NEK6: variants seen among roughly 807,000 people sequenced by gnomAD.
NEK6 encodes serine/threonine-protein kinase Nek6.
A neutral mutation model predicts 43.5 loss-of-function variants in NEK6; 27 were observed. The observed-to-expected ratio is 0.62, with a 90% confidence interval of 0.46 to 0.86. The LOEUF is 0.86. NEK6 is among the 40% of genes least tolerant of loss of function. NEK6 has a pLI of 0.00. For missense variants in NEK6, 318 were observed against 414.4 expected (o/e 0.77, Z 2.02); for synonymous variants, 167 against 164.1 (o/e 1.02, Z -0.14).
At position 124,351,150 on chromosome 9, in the gene NEK6, G is replaced by A. The variant is rs138529813; in HGVS notation, c.*203G>A. The stretch of plus-strand genomic sequence containing the variant: ...GCTGGCCACATGTCACTGATGGTCA[G>A]ATTCCAAAGTCCTTTCTTTATACTG... On this transcript the variant is annotated 3_prime_UTR_variant, in exon 10 of 10. Transcript: ENST00000320246. 361 of 538,346 alleles carry A rather than the reference G, an allele frequency of 6.7e-4. 6 individuals carry two copies. Among genetic ancestry groups the A allele is most frequent in the African/African-American group, 3.1e-3 (162 of 52,524 alleles). The allele number at this position is 538,346 out of a possible 1,614,324, so 33.3% of individuals were successfully genotyped here. A position where few individuals can be genotyped will look rare whatever the true frequency, so the allele number is the denominator to read the frequency against.
chr9:124,315,887 A>T (rs1833791786), intron 4 of NEK6, among the ~76,000 whole-genome samples: 1 of 152,238 alleles, frequency 6.6e-6, no homozygotes, highest in Admixed American at 6.5e-5. Flanking sequence ...TGGGCCTCTC[A>T]GGACCTCAGT....
Position 124,258,000 on chromosome 9 carries a change from G to T in NEK6, c.-115G>T. Reference sequence around the variant, plus strand: ...CTGACGGGCGTGCGGCCGCTGCGCCGCAAACTCGTGTGGGACGCACCGCTC... The same window carrying T: ...CTGACGGGCGTGCGGCCGCTGCGCCTCAAACTCGTGTGGGACGCACCGCTC... On this transcript the variant is annotated 5_prime_UTR_variant, in exon 1 of 10. Transcript: ENST00000320246. The T allele has an allele frequency of 1.0e-6, 1 of 978,914 alleles. No individual in the cohort carries two copies. The highest frequency in any genetic ancestry group is 1.8e-5 in the African/African-American group (1 of 56,550). The allele number at this position is 978,914 out of a possible 1,614,324, so 60.6% of individuals were successfully genotyped here.
At chr9:124,291,947 C>G in intron 1 of NEK6, 1 of 986,078 alleles carries the variant, frequency 1.0e-6, no homozygotes, top group South Asian at 4.7e-5. Context: ...AAGTCCCATG[C>G]GGAGACAGAG....
At chr9:124,265,921 G>T (rs901920560) in intron 1 of NEK6, 4 of 152,236 alleles carry the variant, frequency 2.6e-5, no homozygotes, top group Non-Finnish European at 5.9e-5. Flanking sequence ...CCCACCCATT[G>T]GCCTCTCACC....
At chr9:124,292,991 G>A (rs749881429) in intron 1 of NEK6, 29 of 1,574,132 alleles carry the variant, frequency 1.8e-5, no homozygotes, top group Admixed American at 3.7e-5. Context: ...GGCAGGAGGA[G>A]CAGAGCCTGC....
rs1834368609 is a variant in NEK6 at position 124,326,895 on chromosome 9, T to G, written c.515-443T>G. On this transcript the variant is annotated intron_variant, in intron 6 of 9. Coordinates refer to ENST00000320246, the MANE Select transcript of NEK6 (RefSeq NM_014397.6). The surrounding 1 kb of genome is among the most constrained non-coding windows in gnomAD (Gnocchi z 4.5). ...GTAGGCTGCTTCATGGACACCTCCGTTCCTTCACTCTACCTGTATCTCTTG... is the reference window on the plus strand; with the variant it reads ...GTAGGCTGCTTCATGGACACCTCCGGTCCTTCACTCTACCTGTATCTCTTG... Among the ~76,000 whole-genome samples the G allele has an allele frequency of 6.6e-6, 1 of 152,118 alleles. No individual in the cohort carries two copies. Among genetic ancestry groups the G allele is most frequent in the South Asian group, 2.1e-4 (1 of 4,828 alleles).
chr9:124,316,057 G>A (rs1480744738), intron 4 of NEK6, among the ~76,000 whole-genome samples: 1 of 152,230 alleles, frequency 6.6e-6, no homozygotes, highest in African/African-American at 2.4e-5. Flanking sequence ...AATGCCAGCC[G>A]CCTTCCCGAA....
chr9:124,336,192 C>T lies in NEK6; in HGVS notation c.623-3379C>T, dbSNP rs537071595. Reference sequence around the variant, plus strand: ...GGCAGAGGTTGCAGTGAGCCAAGATCGCGCCACTGCACTTCAGCCTGGGCA... The same window carrying T: ...GGCAGAGGTTGCAGTGAGCCAAGATTGCGCCACTGCACTTCAGCCTGGGCA... On this transcript the variant is annotated intron_variant, in intron 7 of 9. Coordinates refer to ENST00000320246, the MANE Select transcript of NEK6 (RefSeq NM_014397.6). Among the ~76,000 whole-genome samples, 284 of 152,132 alleles carry T rather than the reference C, an allele frequency of 1.9e-3. 1 individual carries two copies. The highest frequency in any genetic ancestry group is 6.0e-3 in the African/African-American group (249 of 41,510).
In NEK6 at chr9:124,303,029, A is replaced by G. The variant is rs551844249; in HGVS notation, c.90+975A>G. On this transcript the variant is annotated intron_variant, in intron 2 of 9. Transcript: ENST00000320246. ...GCACACAGCCTCATGGGAGAGAAAG[A>G]TAAGGAGCTGAGCAGAAGAACCTTG... is the stretch of plus-strand genomic sequence containing the variant. 7.8e-4 allele frequency among the ~76,000 whole-genome samples: 119 copies of G among 152,320 alleles called. 1 individual carries two copies. The highest frequency in any genetic ancestry group is 2.8e-3 in the African/African-American group (117 of 41,576).
chr9:124,288,619 G>A (rs753838903), intron 1 of NEK6, among the ~76,000 whole-genome samples: 1 of 152,016 alleles, frequency 6.6e-6, no homozygotes, highest in African/African-American at 2.4e-5. Flanking sequence ...CTGCATACCC[G>A]GGCCCTGATA....
chr9:124,276,769 G>T (rs999243206), intron 1 of NEK6, among the ~76,000 whole-genome samples: 27 of 152,360 alleles, frequency 1.8e-4, no homozygotes, highest in African/African-American at 6.3e-4. Context: ...GATCAGTAGG[G>T]GTTGGCCAGG....
chr9:124,312,221 G>C (rs1274608513), intron 2 of NEK6, among the ~76,000 whole-genome samples: 1 of 152,236 alleles, frequency 6.6e-6, no homozygotes, highest in African/African-American at 2.4e-5. Flanking sequence ...ATGGGACTCA[G>C]AGACAGCAAA....
intron 1 of NEK6, among the ~76,000 whole-genome samples, chr9:124,298,569 C>G (rs1396455976): frequency 6.6e-6 from 1 of 152,110 alleles, no homozygotes; most frequent in Non-Finnish European, 1.5e-5. Flanking sequence ...TGTGCATCAG[C>G]AGCACAGGCC....
chr9:124,330,747 T>G (rs931019488), intron 7 of NEK6, among the ~76,000 whole-genome samples: 2 of 152,100 alleles, frequency 1.3e-5, no homozygotes, highest in African/African-American at 4.8e-5. Flanking sequence ...ACAGACACAG[T>G]CCATGCCAGG....
chr9:124,338,653 G>A (rs1008840330), intron 7 of NEK6, among the ~76,000 whole-genome samples: 14 of 152,210 alleles, frequency 9.2e-5, no homozygotes, highest in Non-Finnish European at 1.3e-4. Context: ...GCTAATTGGC[G>A]GGTGGCCATG....
chr9:124,287,206 C>T lies in NEK6; in HGVS notation c.-29-14730C>T, dbSNP rs115635802. 3.7e-3 allele frequency among the ~76,000 whole-genome samples: 565 copies of T among 152,272 alleles called. 2 individuals are homozygous for T. The highest frequency in any genetic ancestry group is 0.012 in the African/African-American group (508 of 41,556). ...GCCAGGAGGTCATGGAGACAAGACT[C>T]GAACCCAGGATTGGGGCCCCCAGGT... On this transcript the variant is annotated intron_variant, in intron 1 of 9. Transcript: ENST00000320246.
At chr9:124,274,531 G>A (rs1831577856) in intron 1 of NEK6, among the ~76,000 whole-genome samples, 1 of 152,222 alleles carries the variant, frequency 6.6e-6, no homozygotes, top group African/African-American at 2.4e-5. Flanking sequence ...TTTTCGTGGA[G>A]GACCAGCAGT....
chr9:124,328,115 C>T (rs777458689), intron 7 of NEK6, among the ~76,000 whole-genome samples: 3 of 152,058 alleles, frequency 2.0e-5, no homozygotes, highest in African/African-American at 2.4e-5. Context: ...GGCTGGACTC[C>T]GGAAGAGACT....
intron 7 of NEK6, among the ~76,000 whole-genome samples, chr9:124,334,493 G>T (rs892331784): frequency 6.6e-6 from 1 of 152,214 alleles, no homozygotes; most frequent in Admixed American, 6.5e-5. Flanking sequence ...GGGACGGAGG[G>T]CTGGTGCCCC....
Sources: allele counts gnomAD v4.1 joint callset (sites outside exome capture counted in the v4.1 genomes callset), GRCh38; gene constraint gnomAD v4.1.1; non-coding constraint Gnocchi (gnomAD v3.1); transcripts MANE v1.5; gene names NCBI Gene and HGNC (gene_info 2026-07-23, HGNC 2026-07-21).